The following FANCC variants were observed in gnomAD, a reference collection of about 807,000 sequenced individuals.
FANCC encodes the protein FA complementation group C.
FANCC carries 55 observed loss-of-function variants against 71.3 expected under a neutral mutation model. The observed-to-expected ratio is 0.77, with a 90% CI of 0.62 to 0.97. The LOEUF is 0.97. Among genes scored for constraint, FANCC ranks in the 50% least tolerant of loss-of-function variants. The pLI is 0.00. For synonymous variants in FANCC, 275 were observed against 244.9 expected (o/e 1.12, Z -1.15); for missense variants, 678 against 670.9 (o/e 1.01, Z -0.12).
At chr9:95,108,074 C>T (rs2071597330) in intron 13 of FANCC, among the ~76,000 whole-genome samples, 1 of 152,220 alleles carries the variant, frequency 6.6e-6, no homozygotes, top group African/African-American at 2.4e-5. Context: ...TCCATCACTT[C>T]TGAAAGAATA....
Position 95,241,158 on chromosome 9 carries a change from C to T in FANCC, c.251-415G>A, listed in dbSNP as rs944950489. ...CATTTCAAATGGTTAGTAATTTCGA[C>T]CTTTCTAAGGCAACTTAATGGTTAT... is the stretch of plus-strand genomic sequence containing the variant. On this transcript the variant is annotated intron_variant, in intron 3 of 14. Coordinates refer to ENST00000289081, the MANE Select transcript of FANCC (RefSeq NM_000136.3). Among the ~76,000 whole-genome samples, 3 of 152,188 alleles carry T rather than the reference C, an allele frequency of 2.0e-5. 1 individual carries two copies. Among genetic ancestry groups the T allele is most frequent in the African/African-American group, 4.8e-5 (2 of 41,438 alleles).
intron 1 of FANCC, chr9:95,292,668 C>T: frequency 7.5e-7 from 1 of 1,339,982 alleles, no homozygotes; most frequent in Non-Finnish European, 1.1e-6. Context: ...CCACCGCATG[C>T]AGTATAGCAC....
At chr9:95,249,089 G>A (rs768587646) in intron 2 of FANCC, 38 bp downstream of exon 2, 8 of 1,607,442 alleles carry the variant, frequency 5.0e-6, no homozygotes, top group Non-Finnish European at 6.8e-6. Context: ...AGTCCCTGAA[G>A]TCAGAAAATA....
At chr9:95,135,687 T>G in intron 7 of FANCC, 185 bp from the exon 8 acceptor site, 4 of 605,824 alleles carry the variant, frequency 6.6e-6, no homozygotes. Flanking sequence ...ATAATGTGAA[T>G]ATGCTTCCAC....
intron 4 of FANCC, among the ~76,000 whole-genome samples, chr9:95,208,614 A>T (rs1366916006): frequency 2.6e-5 from 4 of 152,234 alleles, no homozygotes; most frequent in Non-Finnish European, 4.4e-5. Context: ...AAGAAGATAT[A>T]CAAATGAAAA....
intron 6 of FANCC, among the ~76,000 whole-genome samples, chr9:95,152,492 C>T (rs1188535971): frequency 6.6e-6 from 1 of 152,170 alleles, no homozygotes; most frequent in African/African-American, 2.4e-5. Context: ...AGGGGACCAA[C>T]GTGGCCACAC....
chr9:95,135,892 C>A (rs985044980), intron 7 of FANCC, among the ~76,000 whole-genome samples: 3 of 152,138 alleles, frequency 2.0e-5, no homozygotes, highest in African/African-American at 7.2e-5. Flanking sequence ...GGGATGCGGA[C>A]CTGGGTTTCG....
intron 4 of FANCC, among the ~76,000 whole-genome samples, chr9:95,208,072 GA>G (rs1393425683): frequency 1.7e-5 from 2 of 118,826 alleles, no homozygotes; most frequent in Admixed American, 1.9e-4. Flanking sequence ...TGCTAATCCA[GA>G]AGCCTTTTTT....
intron 4 of FANCC, among the ~76,000 whole-genome samples, chr9:95,179,130 G>A (rs1178178253): frequency 2.0e-5 from 3 of 152,126 alleles, no homozygotes; most frequent in African/African-American, 7.2e-5. Context: ...ATAGCATATT[G>A]CACATGTGTT....
chr9:95,141,984 G>GTTTT (rs1828776487), intron 7 of FANCC, among the ~76,000 whole-genome samples: 2 of 97,766 alleles, frequency 2.0e-5, no homozygotes, highest in East Asian at 3.0e-4. Context: ...CAGTTTGTGG[G>GTTTT]GTTTTTTTTT....
chr9:95,316,364 A>C (rs1835739015), intron 1 of FANCC, among the ~76,000 whole-genome samples: 1 of 152,206 alleles, frequency 6.6e-6, no homozygotes, highest in Non-Finnish European at 1.5e-5. Context: ...TTTTCCATCT[A>C]AGCTTAGGTA....
chr9:95,264,462 A>C lies in FANCC; in HGVS notation c.-78-15093T>G, dbSNP rs73654544. Among the ~76,000 whole-genome samples the C allele has an allele frequency of 3.7e-3, 570 of 152,364 alleles. 1 individual carries two copies. Among genetic ancestry groups the C allele is most frequent in the African/African-American group, 0.013 (556 of 41,586 alleles). On this transcript the variant is annotated intron_variant, in intron 1 of 14. Coordinates refer to ENST00000289081, the MANE Select transcript of FANCC (RefSeq NM_000136.3). ...CATTTTAAACCACACAAAAGTAGCT[A>C]TACATGGTACCTGTCAGGGGGACAA...
chr9:95,315,537 G>A (rs1451245349), intron 1 of FANCC, among the ~76,000 whole-genome samples: 1 of 152,158 alleles, frequency 6.6e-6, no homozygotes, highest in East Asian at 1.9e-4. Context: ...TATCTGAATT[G>A]CCTTTCCTTC....
At chr9:95,149,169 AAC>A (rs1829951171) in intron 7 of FANCC, among the ~76,000 whole-genome samples, 2 of 152,312 alleles carry the variant, frequency 1.3e-5, no homozygotes, top group South Asian at 2.1e-4. Context: ...TTAAGTAACA[AAC>A]ACATTTTTAA....
intron 4 of FANCC, among the ~76,000 whole-genome samples, chr9:95,223,576 A>G (rs769895408): frequency 2.0e-5 from 3 of 152,232 alleles, no homozygotes; most frequent in Non-Finnish European, 4.4e-5. Context: ...GCACAAATTC[A>G]ACCTATAACA....
Position 95,154,476 on chromosome 9 carries a change from T to C in FANCC, c.522-4389A>G, listed in dbSNP as rs567191709. Among the ~76,000 whole-genome samples, 5 of 152,260 alleles carry C rather than the reference T, an allele frequency of 3.3e-5. No homozygotes were observed. In the East Asian group the frequency reaches 9.6e-4, roughly 29 times the overall value. ...GTGAATTTGTACAGAAATGAATAAA[T>C]GATTATTTATTTACAGAATGGAATG... On this transcript the variant is annotated intron_variant, in intron 6 of 14. Transcript: ENST00000289081.
chr9:95,104,252 G>A (rs913411084), intron 14 of FANCC, among the ~76,000 whole-genome samples: 2 of 152,200 alleles, frequency 1.3e-5, no homozygotes, highest in Non-Finnish European at 2.9e-5. Flanking sequence ...AATAAAGATG[G>A]TTTCAAAACA....
chr9:95,220,957 C>T (rs1588302680), intron 4 of FANCC, among the ~76,000 whole-genome samples: 1 of 152,010 alleles, frequency 6.6e-6, no homozygotes, highest in Non-Finnish European at 1.5e-5. Flanking sequence ...CTGGGCCGGG[C>T]GTGGTGGCTC....
rs554020926 is a variant in FANCC at position 95,100,043 on chromosome 9, G to T, written c.*1664C>A. The T allele has an allele frequency of 8.6e-6, 2 of 232,380 alleles. No individual in the cohort carries two copies. Among genetic ancestry groups the T allele is most frequent in the African/African-American group, 2.2e-5 (1 of 45,408 alleles). The allele number at this position is 232,380 out of a possible 1,614,324, so 14.4% of individuals were successfully genotyped here. A position where few individuals can be genotyped will look rare whatever the true frequency, so the allele number is the denominator to read the frequency against. ...CCCTGCTGCCACCATGTCCACAGAG[G>T]AGTCACAGCTTCCATGGCCCAGCCA... On this transcript the variant is annotated 3_prime_UTR_variant, in exon 15 of 15. Coordinates refer to ENST00000289081, the MANE Select transcript of FANCC (RefSeq NM_000136.3).
Sources: allele counts gnomAD v4.1 joint callset (sites outside exome capture counted in the v4.1 genomes callset), GRCh38; gene constraint gnomAD v4.1.1; transcripts MANE v1.5; gene names NCBI Gene and HGNC (gene_info 2026-07-23, HGNC 2026-07-21).